DNAH7: variants seen among roughly 807,000 people sequenced by gnomAD.
DNAH7 encodes the protein dynein axonemal heavy chain 7, also known as axonemal beta dynein heavy chain 7.
Under a neutral mutation model 444.6 loss-of-function variants are expected in DNAH7, and 397 were observed. That is an observed-to-expected ratio of 0.89 (90% confidence interval 0.82 to 0.97). The LOEUF (loss-of-function observed/expected upper bound fraction) is 0.97, where lower values mean the gene tolerates loss of function less well. Among genes scored for constraint, DNAH7 ranks in the 50% least tolerant of loss-of-function variants. The pLI, the probability that DNAH7 is intolerant of heterozygous loss-of-function variation, is 0.00. For missense variants in DNAH7, 4,902 were observed against 4,800.8 expected (o/e 1.02, Z -0.62); for synonymous variants, 1,636 against 1,624.4 (o/e 1.01, Z -0.17).
intron 40 of DNAH7, among the ~76,000 whole-genome samples, chr2:195,870,650 C>A (rs1700623442): frequency 6.6e-6 from 1 of 152,130 alleles, no homozygotes; most frequent in Admixed American, 6.6e-5. Flanking sequence ...GGGAGCAGAA[C>A]CCTCATGAAT....
intron 27 of DNAH7, among the ~76,000 whole-genome samples, chr2:195,905,955 T>C (rs1276464244): frequency 6.6e-6 from 1 of 152,098 alleles, no homozygotes; most frequent in African/African-American, 2.4e-5. Flanking sequence ...CTACTCATTG[T>C]GATATTATTT....
intron 51 of DNAH7, among the ~76,000 whole-genome samples, chr2:195,815,910 G>A (rs1028075005): frequency 2.0e-5 from 3 of 152,080 alleles, no homozygotes; most frequent in African/African-American, 7.2e-5. Flanking sequence ...GGAGAATGGT[G>A]TGAACCCGGG....
intron 45 of DNAH7, 121 bp from the exon 46 acceptor site, chr2:195,853,649 C>G (rs1024936746): frequency 1.0e-6 from 1 of 964,572 alleles, no homozygotes; most frequent in African/African-American, 1.7e-5. Context: ...CTGGGATTTC[C>G]TATATCACTA....
At chr2:195,835,300 C>T (rs868669120) in intron 47 of DNAH7, among the ~76,000 whole-genome samples, 2 of 147,376 alleles carry the variant, frequency 1.4e-5, no homozygotes, top group Non-Finnish European at 3.0e-5. Context: ...TAAAAAAAAA[C>T]CCACAAAAAA....
At chr2:195,819,430 T>C (rs1221202922) in intron 49 of DNAH7, among the ~76,000 whole-genome samples, 2 of 152,178 alleles carry the variant, frequency 1.3e-5, no homozygotes, top group African/African-American at 2.4e-5. Context: ...AATGCCCACA[T>C]TCCCTGTTCA....
At position 196,026,834 on chromosome 2, in the gene DNAH7, A is replaced by C. The variant is rs767351923; in HGVS notation, c.593T>G (p.Val198Gly). 6.2e-7 allele frequency: 1 copy of C among 1,612,752 alleles called. No homozygotes were observed. The highest frequency in any genetic ancestry group is 1.7e-5 in the Admixed American group (1 of 59,940). ...TAATGTAACTATGCTGTCAGTGAAG[A>C]CTTTCAGATGTTGTGGAACTAAATC... The part of the protein sequence containing the change: ...VLDLVPQHLK[V>G]FTDSIVTLSD... Residue 198 changes from valine to glycine, a missense_variant, in exon 7 of 65, where the codon GTC becomes GGC. Transcript: ENST00000312428.
intron 19 of DNAH7, among the ~76,000 whole-genome samples, chr2:195,951,893 G>A (rs1487500768): frequency 6.6e-6 from 1 of 152,122 alleles, no homozygotes; most frequent in African/African-American, 2.4e-5. Flanking sequence ...CAATGTGACA[G>A]TCTGTGTCTT....
intron 49 of DNAH7, 26 bp downstream of exon 49, chr2:195,824,229 A>G: frequency 1.3e-6 from 2 of 1,578,102 alleles, no homozygotes; most frequent in Non-Finnish European, 1.7e-6. Flanking sequence ...AAATCTGATA[A>G]AGAAACATTC....
Position 196,001,751 on chromosome 2 carries a change from GC to G in DNAH7, c.1096del (p.Ala366HisfsTer3). On this transcript the variant is annotated frameshift_variant, in exon 11 of 65. Coordinates refer to ENST00000312428, the MANE Select transcript of DNAH7 (RefSeq NM_018897.3). LOFTEE classifies it high-confidence loss of function. Reference sequence around the variant, plus strand: ...GTCCTGCAGCTGTAAAGTCATAAGTGCAGCAGCACAGTTGAAAAAAGATTCC... The same window carrying G: ...GTCCTGCAGCTGTAAAGTCATAAGTGAGCAGCACAGTTGAAAAAAGATTCC... ...KLESFFNCAA[A>X]LMTLQLQDLT... 1 of 1,611,466 alleles carries G rather than the reference GC, an allele frequency of 6.2e-7. No homozygotes were observed. The highest frequency in any genetic ancestry group is 8.5e-7 in the Non-Finnish European group (1 of 1,178,802).
Position 195,853,511 on chromosome 2 carries a change from T to C in DNAH7, c.8613A>G (p.Lys2871=), listed in dbSNP as rs1395514909. ...TCAACTGTTCAGCTCGTTCTAGTTTTTTGCTGCAAAGGTCAACCTCGAAAA... is the reference window on the plus strand; with the variant it reads ...TCAACTGTTCAGCTCGTTCTAGTTTCTTGCTGCAAAGGTCAACCTCGAAAA... ...DLENQVDLCS[K]KLERAEQLIG... is the part of the protein sequence containing the mutation. Residue 2871 remains lysine, a synonymous_variant, in exon 46 of 65, where the codon AAA becomes AAG. Transcript: ENST00000312428. 2 of 1,609,190 alleles carry C rather than the reference T, an allele frequency of 1.2e-6. No homozygotes were observed. Among genetic ancestry groups the C allele is most frequent in the Admixed American group, 1.7e-5 (1 of 59,394 alleles).
chr2:195,974,755 TACACACACACACACACACACAC>T (rs58054572), intron 15 of DNAH7, among the ~76,000 whole-genome samples: 2 of 143,576 alleles, frequency 1.4e-5, no homozygotes, highest in Admixed American at 6.9e-5. Context: ...ATGTATATTT[TACACACACACACACACACACAC>T]ACACACACAC....
rs977747138 is a variant in DNAH7 at position 196,059,979 on chromosome 2, G to A, written c.16-1863C>T. 3.3e-5 allele frequency among the ~76,000 whole-genome samples: 5 copies of A among 152,262 alleles called. No homozygotes were observed. The East Asian group carries it at 9.7e-4, about 29-fold the overall frequency. On this transcript the variant is annotated intron_variant, in intron 1 of 64. Coordinates refer to ENST00000312428, the MANE Select transcript of DNAH7 (RefSeq NM_018897.3). Reference sequence around the variant, plus strand: ...GCCTGTAATCCCAGCACTTTGGGAGGCCGAGGTGGGCGGATCACGAGGTCA... The same window carrying A: ...GCCTGTAATCCCAGCACTTTGGGAGACCGAGGTGGGCGGATCACGAGGTCA...
At chr2:195,917,738 C>T (rs1687775579) in intron 24 of DNAH7, among the ~76,000 whole-genome samples, 1 of 152,140 alleles carries the variant, frequency 6.6e-6, no homozygotes, top group Admixed American at 6.5e-5. Flanking sequence ...TCACTACAGC[C>T]TCAACTCCTG....
At chr2:195,794,694 G>A (rs1696054248) in intron 56 of DNAH7, among the ~76,000 whole-genome samples, 156 bp from the exon 57 acceptor site, 1 of 152,300 alleles carries the variant, frequency 6.6e-6, no homozygotes, top group Non-Finnish European at 1.5e-5. Context: ...AAAATCTGAT[G>A]CTGCTCCTAA....
At chr2:196,042,007 AT>A (rs1696794994) in intron 5 of DNAH7, among the ~76,000 whole-genome samples, 1 of 152,078 alleles carries the variant, frequency 6.6e-6, no homozygotes, top group African/African-American at 2.4e-5. Context: ...CAAAACCACA[AT>A]GAGATATTAT....
chr2:195,942,197 A>T (rs1163177629), intron 19 of DNAH7, among the ~76,000 whole-genome samples: 4 of 152,120 alleles, frequency 2.6e-5, no homozygotes, highest in African/African-American at 9.7e-5. Context: ...AGGATGTTCG[A>T]TGTGAGCCTC....
chr2:196,023,758 T>A (rs999681313), intron 8 of DNAH7, among the ~76,000 whole-genome samples: 1 of 152,246 alleles, frequency 6.6e-6, no homozygotes, highest in South Asian at 2.1e-4. Flanking sequence ...GAGGCCTAGC[T>A]GTGGCCTATC....
At chr2:195,825,421 GCA>G (rs1218332919) in intron 48 of DNAH7, among the ~76,000 whole-genome samples, 9 of 152,068 alleles carry the variant, frequency 5.9e-5, no homozygotes, top group Non-Finnish European at 1.3e-4. Context: ...TGACTTAACA[GCA>G]TAAATGTTTC....
intron 9 of DNAH7, among the ~76,000 whole-genome samples, chr2:196,014,722 G>T (rs1296932784): frequency 6.6e-6 from 1 of 151,994 alleles, no homozygotes; most frequent in Non-Finnish European, 1.5e-5. Context: ...AATTCCACTC[G>T]AAGTATCTAC....
Sources: allele counts gnomAD v4.1 joint callset (sites outside exome capture counted in the v4.1 genomes callset), GRCh38; gene constraint gnomAD v4.1.1; transcripts MANE v1.5; gene names NCBI Gene and HGNC (gene_info 2026-07-23, HGNC 2026-07-21).